The following NFX1 variants were observed in gnomAD, a reference collection of about 807,000 sequenced individuals.
NFX1 encodes transcriptional repressor NF-X1.
In NFX1, 69 loss-of-function variants were observed where a neutral mutation model predicts 137.2. That is an observed-to-expected ratio of 0.50 (90% CI 0.41 to 0.61). The LOEUF (loss-of-function observed/expected upper bound fraction) is 0.61. NFX1 is among the 20% of genes least tolerant of loss of function. NFX1 has a pLI of 0.00. For synonymous variants in NFX1, 495 were observed against 474.1 expected, an observed-to-expected ratio of 1.04 and a Z score of -0.57; for missense variants, 1,167 against 1,391.0, an observed-to-expected ratio of 0.84 and a Z score of 2.56.
At chr9:33,328,949 C>T (rs1039170834) in intron 10 of NFX1, among the ~76,000 whole-genome samples, 1 of 152,226 alleles carries the variant, frequency 6.6e-6, no homozygotes, top group African/African-American at 2.4e-5. Context: ...TGACCACCCA[C>T]TTGTGGCACC....
At chr9:33,364,826 A>G in intron 21 of NFX1, 52 bp downstream of exon 21, 1 of 1,592,190 alleles carries the variant, frequency 6.3e-7, no homozygotes, top group Non-Finnish European at 8.6e-7. Context: ...GCTTGATGAA[A>G]AAAAAAAAGC....
At chr9:33,336,792 A>G (rs578195715) in intron 11 of NFX1, among the ~76,000 whole-genome samples, 3 of 152,230 alleles carry the variant, frequency 2.0e-5, no homozygotes, top group East Asian at 3.9e-4. Flanking sequence ...TTAAGTTTTA[A>G]AAACTTAATT....
In NFX1 at chr9:33,311,086, G is replaced by T. The variant is rs779645956; in HGVS notation, c.1377-20G>T. The stretch of plus-strand genomic sequence containing the variant: ...TGGATACATGGCTGTGGTTTATTCA[G>T]TGAAACCTTTCTCTTTCAGTCTCTG... On this transcript the variant is annotated intron_variant, in intron 5 of 23. Transcript: ENST00000379540. 1 of 1,613,650 alleles carries T rather than the reference G, an allele frequency of 6.2e-7. No individual in the cohort carries two copies. Among genetic ancestry groups the T allele is most frequent in the African/African-American group, 1.3e-5 (1 of 74,912 alleles).
intron 15 of NFX1, among the ~76,000 whole-genome samples, chr9:33,349,294 A>T (rs1451987268): frequency 6.6e-6 from 1 of 152,236 alleles, no homozygotes; most frequent in African/African-American, 2.4e-5. Flanking sequence ...AATGCGGGAA[A>T]TACAGAGGGC....
intron 2 of NFX1, among the ~76,000 whole-genome samples, chr9:33,296,809 C>T (rs1384345763): frequency 1.3e-5 from 2 of 152,332 alleles, no homozygotes; most frequent in Admixed American, 6.5e-5. Context: ...ACAGCCCTCA[C>T]GCTTATGTCT....
At chr9:33,365,795 A>C (rs1244087204) in intron 21 of NFX1, 3 of 152,228 alleles carry the variant, frequency 2.0e-5, no homozygotes, top group African/African-American at 7.2e-5. Flanking sequence ...ACTGTTCTTT[A>C]TAATTCCAAA....
chr9:33,303,140 T>C (rs1359933775), intron 3 of NFX1, 51 bp from the exon 4 acceptor site: 1 of 1,446,354 alleles, frequency 6.9e-7, no homozygotes, highest in African/African-American at 1.4e-5. Flanking sequence ...TTTAATTACA[T>C]GTAGCTTTTG....
Position 33,367,613 on chromosome 9 carries a change from C to T in NFX1, c.3284C>T (p.Ser1095Leu), listed in dbSNP as rs760469956. ...PPPIPHHRHQ[S>L]DKNPGSSNLQ... ...CCGATTCCTCATCACAGACATCAGTCAGACAAGTAAGATTCTCCAGCTGCT... is the reference window on the plus strand; with the variant it reads ...CCGATTCCTCATCACAGACATCAGTTAGACAAGTAAGATTCTCCAGCTGCT... The change falls in exon 23 of 24, where the codon TCA (serine) becomes TTA (leucine). Residue 1095 changes from serine (S) to leucine (L), a missense_variant. Coordinates refer to ENST00000379540, the MANE Select transcript of NFX1 (RefSeq NM_002504.6). 3 of 1,613,552 alleles carry T rather than the reference C, an allele frequency of 1.9e-6. No homozygotes were observed. In the African/African-American group the frequency reaches 4.0e-5, roughly 22 times the overall value.
chr9:33,292,417 C>G (rs1451610749), intron 1 of NFX1, among the ~76,000 whole-genome samples: 1 of 152,196 alleles, frequency 6.6e-6, no homozygotes, highest in African/African-American at 2.4e-5. Context: ...TTGTAATCTG[C>G]CAGTTGGATT....
At chr9:33,339,853 C>T (rs557875732) in intron 12 of NFX1, among the ~76,000 whole-genome samples, 3 of 152,338 alleles carry the variant, frequency 2.0e-5, no homozygotes, top group East Asian at 3.9e-4. Flanking sequence ...CTACAAAATG[C>T]TCTCCTTTGA....
chr9:33,356,991 CAA>C (rs371390697), intron 19 of NFX1, among the ~76,000 whole-genome samples: 26 of 102,552 alleles, frequency 2.5e-4, no homozygotes, highest in East Asian at 2.8e-4. Flanking sequence ...AATGCTGTCT[CAA>C]AAAAAAAAAA....
intron 10 of NFX1, among the ~76,000 whole-genome samples, chr9:33,328,893 T>C (rs1188965951): frequency 6.6e-6 from 1 of 152,188 alleles, no homozygotes. Context: ...GTAGCACTGT[T>C]GCAAGGAGTC....
chr9:33,367,379 C>G, intron 22 of NFX1, 136 bp from the exon 23 acceptor site: 1 of 788,326 alleles, frequency 1.3e-6, no homozygotes, highest in South Asian at 1.6e-5. Context: ...GTGGCCATGT[C>G]TGAGAGCAGA....
chr9:33,361,992 A>G (rs1824007632), intron 19 of NFX1, among the ~76,000 whole-genome samples: 1 of 151,690 alleles, frequency 6.6e-6, no homozygotes, highest in African/African-American at 2.4e-5. Flanking sequence ...GCATGGTGGC[A>G]CACTTGTAGT....
At chr9:33,360,440 G>A (rs982852054) in intron 19 of NFX1, among the ~76,000 whole-genome samples, 45 of 152,156 alleles carry the variant, frequency 3.0e-4, no homozygotes, top group Admixed American at 2.6e-3. Flanking sequence ...CACATAGTAG[G>A]TACTCAGTAA....
rs115594798 is a variant in NFX1 at position 33,352,965 on chromosome 9, G to A, written c.2729+246G>A. 1,981 of 388,420 alleles carry A rather than the reference G, an allele frequency of 5.1e-3. 36 individuals are homozygous for A. Among genetic ancestry groups the A allele is most frequent in the African/African-American group, 0.038 (1,847 of 48,356 alleles). 24.1% of individuals were successfully genotyped at this position (388,420 alleles called of 1,614,324 possible). On this transcript the variant is annotated intron_variant, in intron 17 of 23. Transcript: ENST00000379540. ...GTTTTGTTTTATTGAGAGGGGTCTC[G>A]CCCTGTTTCCCAGGCTGGTCTCCCA...
chr9:33,304,780 A>G (rs1218927930), intron 4 of NFX1, among the ~76,000 whole-genome samples: 5 of 152,240 alleles, frequency 3.3e-5, no homozygotes, highest in African/African-American at 9.6e-5. Flanking sequence ...ATTCTTGAAT[A>G]TACTACCAGA....
chr9:33,345,500 A>C (rs912226549), intron 14 of NFX1, among the ~76,000 whole-genome samples: 1 of 152,168 alleles, frequency 6.6e-6, no homozygotes, highest in Non-Finnish European at 1.5e-5. Context: ...AGATAAAGTC[A>C]AAAGTTTGAA....
In NFX1 at chr9:33,350,602, A is replaced by G. The variant is rs138172031; in HGVS notation, c.2425-958A>G. Among the ~76,000 whole-genome samples the G allele has an allele frequency of 2.4e-3, 363 of 152,350 alleles. 1 individual carries two copies. Among genetic ancestry groups the G allele is most frequent in the African/African-American group, 7.8e-3 (323 of 41,576 alleles). ...TTTGAGTCATAACAGGGATTATTAA[A>G]TAAAGTTAAGGTTTGTTTTCTTCAT... is the stretch of plus-strand genomic sequence containing the variant. On this transcript the variant is annotated intron_variant, in intron 15 of 23. Coordinates refer to ENST00000379540, the MANE Select transcript of NFX1 (RefSeq NM_002504.6).
Sources: allele counts gnomAD v4.1 joint callset (sites outside exome capture counted in the v4.1 genomes callset), GRCh38; gene constraint gnomAD v4.1.1; transcripts MANE v1.5; gene names NCBI Gene and HGNC (gene_info 2026-07-23, HGNC 2026-07-21).